GSN: variants seen among roughly 807,000 people sequenced by gnomAD.
GSN encodes gelsolin.
A neutral mutation model predicts 85.7 loss-of-function variants in GSN; 56 were observed. That is an observed-to-expected ratio of 0.65 (90% confidence interval 0.53 to 0.82). The LOEUF (loss-of-function observed/expected upper bound fraction) is 0.82, where lower values mean the gene tolerates loss of function less well. Among genes scored for constraint, GSN ranks in the 40% least tolerant of loss-of-function variants. GSN has a pLI of 0.00. For synonymous variants in GSN, 373 were observed against 399.1 expected (o/e 0.93, Z 0.78); for missense variants, 857 against 979.8 (o/e 0.87, Z 1.67).
intron 14 of GSN, 78 bp from the exon 15 acceptor site, chr9:121,328,813 G>A (rs2063546270): frequency 1.3e-6 from 2 of 1,509,456 alleles, no homozygotes; most frequent in Admixed American, 1.7e-5. Flanking sequence ...GCTTGGGCAG[G>A]GCTGGTCCCA....
chr9:121,301,428 A>G (rs544704239), intron 2 of GSN, among the ~76,000 whole-genome samples: 2 of 152,298 alleles, frequency 1.3e-5, no homozygotes, highest in Admixed American at 6.5e-5. Flanking sequence ...GGAGTTCCAG[A>G]CCAGCCTGAC....
At chr9:121,317,375 A>G (rs2061841664) in intron 8 of GSN, 157 bp downstream of exon 8, 7 of 820,396 alleles carry the variant, frequency 8.5e-6, no homozygotes, top group Admixed American at 1.9e-5. Flanking sequence ...CATTTGACAT[A>G]CTGTGTGATC....
chr9:121,230,982 C>T (rs1029066114), intron 4 of GSN, among the ~76,000 whole-genome samples: 2 of 152,182 alleles, frequency 1.3e-5, no homozygotes, highest in Admixed American at 1.3e-4. Flanking sequence ...CAGCATCACT[C>T]AATGGATTTC....
In GSN at chr9:121,288,385, C is replaced by G. The variant is rs141825230; in HGVS notation, c.-10+6823C>G. Among the ~76,000 whole-genome samples, 230 of 152,306 alleles carry G rather than the reference C, an allele frequency of 1.5e-3. 1 individual carries two copies. The highest frequency in any genetic ancestry group is 3.4e-3 in the Middle Eastern group (1 of 294). ...TGAATTTCACTAATGTGCACAGTGT[C>G]TGACGCACCCGAGGAGCTGGGCACG... On this transcript the variant is annotated intron_variant, in intron 2 of 17. Coordinates refer to ENST00000432226, the MANE Select transcript of GSN (RefSeq NM_198252.3).
At position 121,321,438 on chromosome 9, in the gene GSN, T is replaced by C. The variant is rs781173370; in HGVS notation, c.1325+37T>C. On this transcript the variant is annotated intron_variant, in intron 11 of 17. Transcript: ENST00000432226. ...GGGCCATTGGTGTGTGTCGTGGGGG[T>C]ACTGGCTGGGCCCTGAGCAGGGCTG... The C allele has an allele frequency of 2.5e-6, 4 of 1,605,796 alleles. No individual in the cohort carries two copies. In the African/African-American group the frequency reaches 5.4e-5, roughly 21 times the overall value.
At chr9:121,229,025 T>C (rs567152060) in intron 4 of GSN, among the ~76,000 whole-genome samples, 4 of 152,284 alleles carry the variant, frequency 2.6e-5, no homozygotes, top group Non-Finnish European at 5.9e-5. Flanking sequence ...TCAATAAACA[T>C]AAGACACAAA....
At chr9:121,310,575 C>T in intron 4 of GSN, 109 bp from the exon 5 acceptor site, 5 of 988,082 alleles carry the variant, frequency 5.1e-6, no homozygotes, top group South Asian at 1.4e-5. Context: ...GCTGGAAAGC[C>T]CCTGGTCCAC....
chr9:121,289,852 G>A (rs1043594579), intron 2 of GSN, among the ~76,000 whole-genome samples: 6 of 152,136 alleles, frequency 3.9e-5, no homozygotes, highest in African/African-American at 7.2e-5. Flanking sequence ...ACAGAGGACC[G>A]AACTCAGGAG....
chr9:121,326,564 G>A lies in GSN; in HGVS notation c.1469G>A (p.Gly490Glu). The change falls in exon 13 of 18, where the codon GGG becomes GAG. Residue 490 changes from glycine (G) to glutamate (E), a missense_variant. By Grantham distance (98) the Gly-to-Glu change is moderately conservative (BLOSUM62 -2). Transcript: ENST00000432226. ...EPAHLMSLFG[G>E]KPMIIYKGGT... is the part of the protein sequence containing the mutation. ...GCCCACCTCATGAGCCTGTTTGGTG[G>A]GAAGCCCATGATCATCTACAAGGGC... The A allele has an allele frequency of 3.7e-6, 6 of 1,614,018 alleles. No homozygotes were observed. The highest frequency in any genetic ancestry group is 4.2e-6 in the Non-Finnish European group (5 of 1,179,994).
At chr9:121,269,149 C>T (rs1255785684) in intron 1 of GSN, among the ~76,000 whole-genome samples, 1 of 152,170 alleles carries the variant, frequency 6.6e-6, no homozygotes, top group Non-Finnish European at 1.5e-5. Context: ...TTGTGGAAGG[C>T]GGGGCCTCTG....
chr9:121,231,126 C>T (rs1325307661), intron 4 of GSN: 1 of 152,224 alleles, frequency 6.6e-6, no homozygotes, highest in African/African-American at 2.4e-5. Flanking sequence ...GGGATTCCAT[C>T]AGGCACTCTC....
chr9:121,325,511 GAAC>G (rs1425200749), intron 12 of GSN, among the ~76,000 whole-genome samples: 2 of 152,308 alleles, frequency 1.3e-5, no homozygotes, highest in Non-Finnish European at 2.9e-5. Context: ...TTGATGCTGA[GAAC>G]AACAGGAAGT....
intron 5 of GSN, among the ~76,000 whole-genome samples, chr9:121,247,372 A>G (rs2054721376): frequency 6.6e-6 from 1 of 152,220 alleles, no homozygotes; most frequent in South Asian, 2.1e-4. Context: ...CAATTCTTAC[A>G]CCATCAGGCT....
chr9:121,295,001 C>T (rs1176446411), intron 2 of GSN, among the ~76,000 whole-genome samples: 1 of 152,240 alleles, frequency 6.6e-6, no homozygotes, highest in African/African-American at 2.4e-5. Context: ...GTAACTTGCT[C>T]TGCCTTACAC....
At chr9:121,227,181 G>A (rs757052943) in intron 4 of GSN, among the ~76,000 whole-genome samples, 1 of 152,122 alleles carries the variant, frequency 6.6e-6, no homozygotes, top group African/African-American at 2.4e-5. Flanking sequence ...ATCATCTGAG[G>A]TCAGGAGTTT....
intron 5 of GSN, chr9:121,311,056 A>C (rs968397589): frequency 1.7e-5 from 10 of 595,172 alleles, no homozygotes; most frequent in Middle Eastern, 4.5e-4. Flanking sequence ...TTTGATTGAC[A>C]TATAGACTTC....
rs116962806 is a variant in GSN at position 121,322,097 on chromosome 9, A to G, written c.1325+696A>G. Among the ~76,000 whole-genome samples the G allele has an allele frequency of 6.0e-3, 908 of 152,304 alleles. 5 individuals carry two copies. Among genetic ancestry groups the G allele is most frequent in the Non-Finnish European group, 0.01 (691 of 68,034 alleles). On this transcript the variant is annotated intron_variant, in intron 11 of 17. Transcript: ENST00000432226. Reference sequence around the variant, plus strand: ...TTACATGGTTCAAAAATCAAAACAGAATATAAAGGTATTTATTGAGAAATC... The same window carrying G: ...TTACATGGTTCAAAAATCAAAACAGGATATAAAGGTATTTATTGAGAAATC...
chr9:121,300,070 G>A, intron 2 of GSN: 1 of 1,610,796 alleles, frequency 6.2e-7, no homozygotes, highest in Non-Finnish European at 8.5e-7. Context: ...TGCAGATACA[G>A]CGCTAGGAAA....
intron 5 of GSN, among the ~76,000 whole-genome samples, chr9:121,231,966 C>G (rs2054398023): frequency 6.6e-6 from 1 of 152,100 alleles, no homozygotes; most frequent in South Asian, 2.1e-4. Context: ...ACTTGGGAAT[C>G]TGAGGCAGGA....
Sources: gnomAD v4.1 joint callset for allele counts (sites outside exome capture counted in the v4.1 genomes callset) on GRCh38, gnomAD v4.1.1 for gene constraint, MANE v1.5 for transcripts, NCBI Gene and HGNC (gene_info 2026-07-23, HGNC 2026-07-21) for gene names.